MIPOL1: variants seen among roughly 807,000 people sequenced by gnomAD.
MIPOL1 encodes the protein mirror-image polydactyly gene 1 protein.
MIPOL1 carries 57 observed loss-of-function variants against 60.9 expected under a neutral mutation model. The observed-to-expected ratio is 0.94, with a 90% confidence interval of 0.76 to 1.17. The LOEUF (loss-of-function observed/expected upper bound fraction) is 1.17. MIPOL1 is among the 50% of genes most tolerant of loss of function. MIPOL1 has a pLI of 0.00. For synonymous variants in MIPOL1, 179 were observed against 168.8 expected (o/e 1.06, Z -0.47); for missense variants, 551 against 511.6 (o/e 1.08, Z -0.74).
rs541070572 is a variant in MIPOL1, at chr14:37,284,081, T to A, written c.494-1237T>A. 2.0e-5 allele frequency among the ~76,000 whole-genome samples: 3 copies of A among 152,274 alleles called. No individual in the cohort carries two copies. The East Asian group carries it at 5.8e-4, about 29-fold the overall frequency. ...AACATACAAACAATAAAATTATGCC[T>A]AAGAAATGATAATTTTAGATAACAT... On this transcript the variant is annotated intron_variant, in intron 6 of 12. Coordinates refer to ENST00000684589, the MANE Select transcript of MIPOL1 (RefSeq NM_001388067.1).
intron 1 of MIPOL1, among the ~76,000 whole-genome samples, chr14:37,239,660 A>G (rs1972049872): frequency 6.6e-6 from 1 of 152,128 alleles, no homozygotes; most frequent in African/African-American, 2.4e-5. Flanking sequence ...TTCTTTTCAT[A>G]ATGCATTTTT....
At chr14:37,326,998 T>G (rs915335804) in intron 9 of MIPOL1, among the ~76,000 whole-genome samples, 2 of 152,138 alleles carry the variant, frequency 1.3e-5, no homozygotes, top group African/African-American at 4.8e-5. Flanking sequence ...GAGACAATTC[T>G]TGATTTGGCA....
At chr14:37,260,001 T>C (rs768835434) in intron 3 of MIPOL1, among the ~76,000 whole-genome samples, 10 of 152,094 alleles carry the variant, frequency 6.6e-5, no homozygotes, top group Non-Finnish European at 1.2e-4. Flanking sequence ...TTAATTTACC[T>C]TTACATCCTA....
At chr14:37,218,291 A>G (rs1968103481) in intron 1 of MIPOL1, among the ~76,000 whole-genome samples, 1 of 151,642 alleles carries the variant, frequency 6.6e-6, no homozygotes, top group Non-Finnish European at 1.5e-5. Context: ...AGCAATTCTC[A>G]CGTCTCAGCC....
chr14:37,517,417 G>C (rs2095378325), intron 12 of MIPOL1, among the ~76,000 whole-genome samples: 1 of 152,134 alleles, frequency 6.6e-6, no homozygotes, highest in Non-Finnish European at 1.5e-5. Context: ...TGGAAGTAAA[G>C]AGGGTTCTGT....
At position 37,269,056 on chromosome 14, in the gene MIPOL1, A is replaced by T. The variant is rs572709718; in HGVS notation, c.387+263A>T. Reference sequence around the variant, plus strand: ...CCTGGTTCCTTGTATACATATCTTTAAAAAAAAAGATTCAAGTTTTAGTAA... The same window carrying T: ...CCTGGTTCCTTGTATACATATCTTTTAAAAAAAAGATTCAAGTTTTAGTAA... On this transcript the variant is annotated intron_variant, in intron 5 of 12. Coordinates refer to ENST00000684589, the MANE Select transcript of MIPOL1 (RefSeq NM_001388067.1). Among the ~76,000 whole-genome samples, 5 of 150,988 alleles carry T rather than the reference A, an allele frequency of 3.3e-5. No homozygotes were observed. In the South Asian group the frequency reaches 8.4e-4, roughly 25 times the overall value.
chr14:37,378,853 A>G (rs2092848062), intron 10 of MIPOL1, among the ~76,000 whole-genome samples: 1 of 152,110 alleles, frequency 6.6e-6, no homozygotes, highest in South Asian at 2.1e-4. Context: ...TCACTGTATA[A>G]AAAGGCACTA....
chr14:37,467,672 G>T (rs956932696), intron 11 of MIPOL1, among the ~76,000 whole-genome samples: 2 of 152,136 alleles, frequency 1.3e-5, no homozygotes, highest in African/African-American at 4.8e-5. Context: ...TTGTGAGCAG[G>T]TCTTAAGAAA....
chr14:37,304,738 G>C (rs577023369), intron 7 of MIPOL1, among the ~76,000 whole-genome samples: 1 of 151,782 alleles, frequency 6.6e-6, no homozygotes, highest in African/African-American at 2.4e-5. Context: ...TTCACGCATG[G>C]ATCTTTTCAC....
chr14:37,484,317 T>C (rs2094915720), intron 11 of MIPOL1, among the ~76,000 whole-genome samples: 1 of 150,962 alleles, frequency 6.6e-6, no homozygotes, highest in South Asian at 2.1e-4. Context: ...TCCATGACTT[T>C]GATGACCCAA....
At chr14:37,213,582 G>A (rs1270533897) in intron 1 of MIPOL1, among the ~76,000 whole-genome samples, 4 of 152,110 alleles carry the variant, frequency 2.6e-5, no homozygotes, top group African/African-American at 9.7e-5. Context: ...CCAGAAAATA[G>A]CCTCAAAGGG....
At chr14:37,349,886 G>GA (rs1463836472) in intron 9 of MIPOL1, among the ~76,000 whole-genome samples, 2 of 151,982 alleles carry the variant, frequency 1.3e-5, no homozygotes, top group Admixed American at 6.6e-5. Context: ...AATATTGGTT[G>GA]AAAAAAATGC....
At chr14:37,347,886 T>G (rs1273617098) in intron 9 of MIPOL1, among the ~76,000 whole-genome samples, 1 of 152,180 alleles carries the variant, frequency 6.6e-6, no homozygotes, top group Non-Finnish European at 1.5e-5. Context: ...CTCAGTAAAA[T>G]AACTTTTTTT....
intron 6 of MIPOL1, among the ~76,000 whole-genome samples, chr14:37,285,021 A>G (rs1417688315): frequency 6.6e-6 from 1 of 152,222 alleles, no homozygotes; most frequent in Non-Finnish European, 1.5e-5. Flanking sequence ...GGTTGTAGAA[A>G]TATATCTGCC....
chr14:37,333,571 C>T (rs1305885378), intron 9 of MIPOL1, among the ~76,000 whole-genome samples: 1 of 151,926 alleles, frequency 6.6e-6, no homozygotes, highest in Non-Finnish European at 1.5e-5. Context: ...AATATGTGAG[C>T]TATAAATATA....
At chr14:37,492,857 T>G (rs2095065089) in intron 11 of MIPOL1, among the ~76,000 whole-genome samples, 1 of 152,086 alleles carries the variant, frequency 6.6e-6, no homozygotes, top group Non-Finnish European at 1.5e-5. Context: ...TAGTACCATC[T>G]CACCCTCCCC....
At chr14:37,353,500 C>A (rs2091565114) in intron 9 of MIPOL1, among the ~76,000 whole-genome samples, 1 of 152,036 alleles carries the variant, frequency 6.6e-6, no homozygotes, top group Admixed American at 6.6e-5. Flanking sequence ...CCTCATTGTA[C>A]CTCTGGTAGA....
At chr14:37,210,383 G>A (rs769887188) in intron 1 of MIPOL1, among the ~76,000 whole-genome samples, 10 of 151,912 alleles carry the variant, frequency 6.6e-5, no homozygotes, top group South Asian at 2.1e-4. Flanking sequence ...TTGCTGGAGC[G>A]GCTCACAGAA....
chr14:37,499,047 C>T (rs911044890), intron 11 of MIPOL1, among the ~76,000 whole-genome samples: 4 of 152,026 alleles, frequency 2.6e-5, no homozygotes, highest in African/African-American at 9.7e-5. Context: ...TATGCATATA[C>T]TGAAATGATA....
Sources: gnomAD v4.1 joint callset for allele counts (sites outside exome capture counted in the v4.1 genomes callset) on GRCh38, gnomAD v4.1.1 for gene constraint, MANE v1.5 for transcripts, NCBI Gene and HGNC (gene_info 2026-07-23, HGNC 2026-07-21) for gene names.